FER: variants seen among roughly 807,000 people sequenced by gnomAD.
FER encodes FER tyrosine kinase.
FER carries 63 observed loss-of-function variants against 111.0 expected under a neutral mutation model. The ratio of observed to expected loss-of-function variants is 0.57; its 90% CI spans 0.46 to 0.70. The LOEUF is 0.70. FER is among the 30% of genes least tolerant of loss of function. FER has a pLI of 0.00. For synonymous variants in FER, 327 were observed against 313.9 expected (o/e 1.04, Z -0.44); for missense variants, 914 against 954.0 (o/e 0.96, Z 0.55).
intron 13 of FER, among the ~76,000 whole-genome samples, chr5:108,990,401 A>G (rs1414600540): frequency 6.6e-6 from 1 of 151,916 alleles, no homozygotes; most frequent in Non-Finnish European, 1.5e-5. Context: ...ATGTATATCA[A>G]TATTTCAGCT....
At chr5:109,037,379 A>G (rs758448487) in intron 13 of FER, 43 bp from the exon 14 acceptor site, 105 of 1,543,756 alleles carry the variant, frequency 6.8e-5, no homozygotes, top group Non-Finnish European at 8.9e-5. Flanking sequence ...CAAGAAGTGT[A>G]CCCTTGCTTG....
At chr5:109,029,146 C>G (rs1166507588) in intron 13 of FER, among the ~76,000 whole-genome samples, 1 of 151,636 alleles carries the variant, frequency 6.6e-6, no homozygotes, top group East Asian at 1.9e-4. Flanking sequence ...GTTAAACTTT[C>G]CTCACAGAGT....
chr5:108,810,684 A>G (rs918023838), intron 3 of FER, among the ~76,000 whole-genome samples: 5 of 152,192 alleles, frequency 3.3e-5, no homozygotes, highest in Non-Finnish European at 4.4e-5. Context: ...TTGCTGATTC[A>G]GAAGAGTAGG....
chr5:108,927,252 C>CT lies in FER; in HGVS notation c.1237-18859dup, dbSNP rs766702172. On this transcript the variant is annotated intron_variant, in intron 10 of 19. Transcript: ENST00000281092. ...TGTAATTCAGCATTGAGAAGTGGCT[C>CT]TTTTTTTTTTTTTTTTTTTGAGACG... Among the ~76,000 whole-genome samples the CT allele has an allele frequency of 8.5e-3, 806 of 95,212 alleles. 108 individuals are homozygous for CT. The highest frequency in any genetic ancestry group is 0.02 in the African/African-American group (339 of 17,252). The allele number at this position is 95,212 out of a possible 152,430, so 62.5% of individuals were successfully genotyped here.
chr5:108,997,828 C>A (rs964858994), intron 13 of FER, among the ~76,000 whole-genome samples: 1 of 152,058 alleles, frequency 6.6e-6, no homozygotes, highest in East Asian at 1.9e-4. Context: ...GATGCCCTGC[C>A]CAGAGAGGAG....
At chr5:109,146,237 T>A in intron 17 of FER, among the ~76,000 whole-genome samples, 1 of 91,006 alleles carries the variant, frequency 1.1e-5, no homozygotes, top group East Asian at 2.5e-4. Flanking sequence ...CTATCTAATA[T>A]ATATATAATC....
intron 16 of FER, among the ~76,000 whole-genome samples, chr5:109,085,472 AT>A (rs1280609771): frequency 2.1e-5 from 3 of 141,930 alleles, no homozygotes; most frequent in Non-Finnish European, 3.1e-5. Context: ...TTTTTTGTAG[AT>A]TTTTTTTCTT....
intron 1 of FER, among the ~76,000 whole-genome samples, chr5:108,758,242 A>T (rs990173237): frequency 8.5e-5 from 13 of 152,226 alleles, no homozygotes; most frequent in African/African-American, 3.1e-4. Flanking sequence ...ATTATAAAGC[A>T]TAGAGAGGTT....
intron 2 of FER, among the ~76,000 whole-genome samples, chr5:108,777,149 T>C (rs1489974935): frequency 6.6e-6 from 1 of 152,230 alleles, no homozygotes; most frequent in East Asian, 1.9e-4. Flanking sequence ...TTTTAACTGG[T>C]GAATTTGGAA....
At chr5:109,094,921 A>T (rs1197953445) in intron 16 of FER, among the ~76,000 whole-genome samples, 1 of 152,178 alleles carries the variant, frequency 6.6e-6, no homozygotes, top group African/African-American at 2.4e-5. Context: ...GTCAAAGTTG[A>T]CTATGGCATC....
At chr5:108,801,782 A>T (rs1756679331) in intron 3 of FER, among the ~76,000 whole-genome samples, 1 of 152,016 alleles carries the variant, frequency 6.6e-6, no homozygotes. Flanking sequence ...CCCAAAGGAG[A>T]CACTTTCTGT....
At position 109,121,455 on chromosome 5, in the gene FER, G is replaced by A. The variant is rs143777457; in HGVS notation, c.2048+20936G>A. Among the ~76,000 whole-genome samples the A allele has an allele frequency of 7.9e-3, 1,206 of 152,166 alleles. 11 individuals are homozygous for A. The highest frequency in any genetic ancestry group is 0.028 in the African/African-American group (1,147 of 41,530). On this transcript the variant is annotated intron_variant, in intron 17 of 19. Transcript: ENST00000281092. Reference sequence around the variant, plus strand: ...ACCTTGGGATAAATCCCACTTGGTCGTGATGAATGATCTTTTTAATGTGTC... The same window carrying A: ...ACCTTGGGATAAATCCCACTTGGTCATGATGAATGATCTTTTTAATGTGTC...
intron 14 of FER, among the ~76,000 whole-genome samples, chr5:109,040,077 A>C (rs941666509): frequency 5.4e-4 from 82 of 152,122 alleles, no homozygotes; most frequent in African/African-American, 1.8e-3. Flanking sequence ...GAAAGATTTC[A>C]GTCCTAAGTG....
At chr5:108,927,060 T>C (rs1753840030) in intron 10 of FER, among the ~76,000 whole-genome samples, 1 of 152,078 alleles carries the variant, frequency 6.6e-6, no homozygotes, top group African/African-American at 2.4e-5. Context: ...GTCATATTGA[T>C]ATTGTATTAT....
At chr5:108,950,171 G>T (rs1757529192) in intron 11 of FER, among the ~76,000 whole-genome samples, 1 of 152,088 alleles carries the variant, frequency 6.6e-6, no homozygotes, top group Non-Finnish European at 1.5e-5. Context: ...GGGAAGCTGT[G>T]GAGGTAACCT....
At chr5:109,047,528 T>C (rs560044853) in intron 16 of FER, among the ~76,000 whole-genome samples, 1 of 152,332 alleles carries the variant, frequency 6.6e-6, no homozygotes, top group Admixed American at 6.5e-5. Flanking sequence ...AGTACTATCT[T>C]ATATTTAGTT....
In FER at chr5:109,194,674, G is replaced by T. The variant is rs1340919924; in HGVS notation, c.*7099G>T. On this transcript the variant is annotated 3_prime_UTR_variant, in exon 20 of 20. Coordinates refer to ENST00000281092, the MANE Select transcript of FER (RefSeq NM_005246.4). ...ATCATACCTTCTTTTGAAAGTATAGGACAGATATCAGTGGGAAACGTCGGC... is the reference window on the plus strand; with the variant it reads ...ATCATACCTTCTTTTGAAAGTATAGTACAGATATCAGTGGGAAACGTCGGC... 5 of 152,176 alleles carry T rather than the reference G, an allele frequency of 3.3e-5. No homozygotes were observed. Among genetic ancestry groups the T allele is most frequent in the Non-Finnish European group, 7.3e-5 (5 of 68,040 alleles). 9.4% of individuals were successfully genotyped at this position (152,176 alleles called of 1,614,324 possible). A position where few individuals can be genotyped will look rare whatever the true frequency, so the allele number is the denominator to read the frequency against.
intron 3 of FER, among the ~76,000 whole-genome samples, chr5:108,821,385 A>G (rs1428692229): frequency 1.3e-5 from 2 of 152,194 alleles, no homozygotes; most frequent in Non-Finnish European, 2.9e-5. Context: ...TTTAAATGTT[A>G]TAAGAAAAAT....
chr5:108,906,558 TTA>T (rs1275920950), intron 10 of FER, among the ~76,000 whole-genome samples: 1 of 152,144 alleles, frequency 6.6e-6, no homozygotes, highest in African/African-American at 2.4e-5. Context: ...TCAAATATTT[TTA>T]GTGTTACTAG....
Sources: allele counts gnomAD v4.1 joint callset (sites outside exome capture counted in the v4.1 genomes callset), GRCh38; gene constraint gnomAD v4.1.1; transcripts MANE v1.5; gene names NCBI Gene and HGNC (gene_info 2026-07-23, HGNC 2026-07-21).